The following CHCHD6 variants were observed in gnomAD, a reference collection of about 807,000 sequenced individuals.
CHCHD6 encodes the protein MICOS complex subunit MIC25.
A neutral mutation model predicts 32.3 loss-of-function variants in CHCHD6; 28 were observed. That is an observed-to-expected ratio of 0.87 (90% CI 0.64 to 1.19). CHCHD6 has a LOEUF of 1.19. CHCHD6 is among the 50% of genes most tolerant of loss of function. The pLI, the probability that CHCHD6 is intolerant of heterozygous loss-of-function variation, is 0.00. For synonymous variants in CHCHD6, 122 were observed against 117.5 expected (o/e 1.04, Z -0.25); for missense variants, 333 against 307.0 (o/e 1.08, Z -0.63).
chr3:126,853,255 A>T (rs976888126), intron 5 of CHCHD6, among the ~76,000 whole-genome samples: 5 of 92,094 alleles, frequency 5.4e-5, no homozygotes, highest in Non-Finnish European at 7.0e-5. Context: ...TCATGCCTTT[A>T]AAAAAAAAAA....
intron 5 of CHCHD6, among the ~76,000 whole-genome samples, chr3:126,912,177 C>A (rs1286202501): frequency 3.9e-5 from 6 of 152,178 alleles, no homozygotes; most frequent in African/African-American, 1.4e-4. Context: ...AAGCGCAAAT[C>A]AAAATGTGGG....
intron 1 of CHCHD6, among the ~76,000 whole-genome samples, chr3:126,714,343 G>A (rs80325181): frequency 0.091 from 13,860 of 152,144 alleles, 738 homozygotes; most frequent in Admixed American, 0.16. Context: ...GTGGGCATTT[G>A]TGTGTGCCAT....
chr3:126,865,065 T>TCCACCACCACC (rs1341071499), intron 5 of CHCHD6, among the ~76,000 whole-genome samples: 1 of 121,682 alleles, frequency 8.2e-6, no homozygotes, highest in Non-Finnish European at 1.8e-5. Context: ...CTCCTCCTCC[T>TCCACCACCACC]TTTCCACCAC....
chr3:126,789,030 C>T (rs1184309596), intron 4 of CHCHD6, among the ~76,000 whole-genome samples: 1 of 152,086 alleles, frequency 6.6e-6, no homozygotes, highest in African/African-American at 2.4e-5. Context: ...TGTCTTTGTT[C>T]TCATTGGTTT....
chr3:126,959,901 G>GGGGGCA (rs1362026468), intron 7 of CHCHD6, among the ~76,000 whole-genome samples: 5 of 152,236 alleles, frequency 3.3e-5, no homozygotes, highest in African/African-American at 9.6e-5. Context: ...AGCAGGTTGA[G>GGGGGCA]GGGGCAGGGG....
intron 6 of CHCHD6, among the ~76,000 whole-genome samples, chr3:126,948,870 C>A: frequency 6.6e-6 from 1 of 152,348 alleles, no homozygotes; most frequent in East Asian, 1.9e-4. Context: ...GGAAGCCCAG[C>A]TTTATGTTCT....
At chr3:126,916,400 T>TA (rs11338384) in intron 6 of CHCHD6, among the ~76,000 whole-genome samples, 23 of 139,754 alleles carry the variant, frequency 1.6e-4, no homozygotes, top group South Asian at 7.1e-4. Flanking sequence ...GAATCCATCT[T>TA]AAAAAAAAAA....
intron 5 of CHCHD6, among the ~76,000 whole-genome samples, chr3:126,864,290 C>T (rs115027145): frequency 0.028 from 4,238 of 151,058 alleles, 86 homozygotes; most frequent in Non-Finnish European, 0.038. Context: ...CCTCCTCCAT[C>T]ACCACCACCT....
chr3:126,910,017 C>T (rs1464085823), intron 5 of CHCHD6, among the ~76,000 whole-genome samples: 1 of 152,196 alleles, frequency 6.6e-6, no homozygotes, highest in Admixed American at 6.5e-5. Context: ...TAAGTCACGC[C>T]TATAATCCCA....
intron 4 of CHCHD6, among the ~76,000 whole-genome samples, chr3:126,846,835 T>C (rs1391159369): frequency 6.6e-6 from 1 of 152,206 alleles, no homozygotes; most frequent in African/African-American, 2.4e-5. Context: ...CGTGTTTGTG[T>C]GTGTGTATGT....
intron 4 of CHCHD6, among the ~76,000 whole-genome samples, chr3:126,739,274 A>G (rs1408796315): frequency 6.6e-6 from 1 of 152,150 alleles, no homozygotes; most frequent in African/African-American, 2.4e-5. Flanking sequence ...GTTGACAAAC[A>G]TTTTCTATAA....
chr3:126,891,769 A>G (rs771587099), intron 5 of CHCHD6, among the ~76,000 whole-genome samples: 18 of 152,144 alleles, frequency 1.2e-4, no homozygotes, highest in Non-Finnish European at 2.4e-4. Flanking sequence ...TTGAGGGGTT[A>G]AGTAAGACAG....
intron 4 of CHCHD6, among the ~76,000 whole-genome samples, chr3:126,783,014 A>G (rs1044956792): frequency 6.6e-6 from 1 of 152,172 alleles, no homozygotes; most frequent in African/African-American, 2.4e-5. Context: ...CTGATTATTA[A>G]CTATAGTCAC....
At chr3:126,846,843 T>C (rs1202227986) in intron 4 of CHCHD6, among the ~76,000 whole-genome samples, 1 of 152,152 alleles carries the variant, frequency 6.6e-6, no homozygotes, top group Non-Finnish European at 1.5e-5. Flanking sequence ...TGTGTGTGTA[T>C]GTGTATGTGT....
At chr3:126,839,869 T>C (rs1941003008) in intron 4 of CHCHD6, among the ~76,000 whole-genome samples, 1 of 152,220 alleles carries the variant, frequency 6.6e-6, no homozygotes, top group African/African-American at 2.4e-5. Context: ...AGTGTGTTCA[T>C]TGAGTTGTGC....
intron 4 of CHCHD6, among the ~76,000 whole-genome samples, chr3:126,804,976 A>G (rs1274855232): frequency 6.6e-6 from 1 of 152,172 alleles, no homozygotes; most frequent in Non-Finnish European, 1.5e-5. Context: ...TAGATGCAGA[A>G]AAGGCCTTTG....
At chr3:126,894,719 T>C (rs536586152) in intron 5 of CHCHD6, among the ~76,000 whole-genome samples, 1 of 152,206 alleles carries the variant, frequency 6.6e-6, no homozygotes, top group Non-Finnish European at 1.5e-5. Context: ...AGGGGTGGTG[T>C]TGGGCACATA....
chr3:126,789,592 C>G (rs147402146), intron 4 of CHCHD6, among the ~76,000 whole-genome samples: 27 of 152,240 alleles, frequency 1.8e-4, no homozygotes, highest in African/African-American at 6.0e-4. Context: ...TTCTTTGTCT[C>G]TTTTGATCTT....
chr3:126,736,925 G>C (rs1936068785), intron 4 of CHCHD6, among the ~76,000 whole-genome samples: 1 of 152,208 alleles, frequency 6.6e-6, no homozygotes, highest in Non-Finnish European at 1.5e-5. Context: ...CAAGTCCTGG[G>C]TGAGGCTTTA....
Sources: allele counts gnomAD v4.1 joint callset (sites outside exome capture counted in the v4.1 genomes callset), GRCh38; gene constraint gnomAD v4.1.1; transcripts MANE v1.5; gene names NCBI Gene and HGNC (gene_info 2026-07-23, HGNC 2026-07-21).